The following RPS6KC1 variants were observed in gnomAD, a reference collection of about 807,000 sequenced individuals.
The protein encoded by RPS6KC1 is ribosomal protein S6 kinase C1.
In RPS6KC1, 54 loss-of-function variants were observed where a neutral mutation model predicts 103.8. That is an observed-to-expected ratio of 0.52 (90% CI 0.42 to 0.65). The LOEUF (loss-of-function observed/expected upper bound fraction) is 0.65, where lower values mean the gene tolerates loss of function less well. Among genes scored for constraint, RPS6KC1 ranks in the 30% least tolerant of loss-of-function variants. The pLI is 0.00. For missense variants in RPS6KC1, 1,151 were observed against 1,253.8 expected, an observed-to-expected ratio of 0.92 and a Z score of 1.24; for synonymous variants, 439 against 438.7, an observed-to-expected ratio of 1.00 and a Z score of -0.01.
rs538679494 is a variant in RPS6KC1, at chr1:213,118,086, C to G, written c.472+676C>G. ...CATCTGACTTTTAGAGAACTAATTT[C>G]AAGACTGGCTTTAGAGATTTAGTCA... On this transcript the variant is annotated intron_variant, in intron 5 of 14. Transcript: ENST00000366960. 9.2e-5 allele frequency among the ~76,000 whole-genome samples: 13 copies of G among 140,982 alleles called. No individual in the cohort carries two copies. The East Asian group carries it at 2.8e-3, about 30-fold the overall frequency. The allele number at this position is 140,982 out of a possible 152,430, so 92.5% of individuals were successfully genotyped here.
intron 5 of RPS6KC1, among the ~76,000 whole-genome samples, chr1:213,126,824 A>G (rs2085044715): frequency 1.3e-5 from 2 of 152,156 alleles, no homozygotes; most frequent in South Asian, 4.1e-4. Context: ...TTGCACTACA[A>G]TGGCAGTGTT....
At chr1:213,260,938 AGCCGTG>A (rs1291159962) in intron 12 of RPS6KC1, among the ~76,000 whole-genome samples, 1 of 152,218 alleles carries the variant, frequency 6.6e-6, no homozygotes, top group African/African-American at 2.4e-5. Context: ...CAATAGTTTC[AGCCGTG>A]GCTTAAAACA....
At chr1:213,553,228 T>G in the RPS6KC1 span, among the ~76,000 whole-genome samples, 8 of 152,182 alleles carry the variant, frequency 5.3e-5, no homozygotes, top group Admixed American at 3.9e-4. Context: ...GCACTCAATG[T>G]TTAGCTCCCA....
At chr1:213,697,288 G>C in the RPS6KC1 span, among the ~76,000 whole-genome samples, 1 of 152,158 alleles carries the variant, frequency 6.6e-6, no homozygotes, top group Non-Finnish European at 1.5e-5. Context: ...GGCAAGTGAG[G>C]AAGAGGAAGA....
the RPS6KC1 span, among the ~76,000 whole-genome samples, chr1:213,513,256 A>T: frequency 6.6e-6 from 1 of 152,182 alleles, no homozygotes; most frequent in East Asian, 1.9e-4. Flanking sequence ...TCGTTCATAG[A>T]GCCTCCAGAA....
chr1:213,094,372 G>A (rs2081267130), intron 3 of RPS6KC1, among the ~76,000 whole-genome samples: 1 of 151,404 alleles, frequency 6.6e-6, no homozygotes, highest in South Asian at 2.1e-4. Flanking sequence ...AGTTGTCCTT[G>A]AAATGTCCTT....
the RPS6KC1 span, among the ~76,000 whole-genome samples, chr1:213,460,603 G>A: frequency 7.2e-5 from 11 of 152,106 alleles, no homozygotes; most frequent in Admixed American, 3.3e-4. Flanking sequence ...GGTTAATATT[G>A]TTATGTGTGA....
chr1:213,252,856 A>G (rs959540426), intron 12 of RPS6KC1, among the ~76,000 whole-genome samples: 1 of 152,132 alleles, frequency 6.6e-6, no homozygotes, highest in Non-Finnish European at 1.5e-5. Context: ...TGGATAAAGC[A>G]TTATGTTACT....
chr1:213,117,134 G>C (rs539513666), intron 4 of RPS6KC1, among the ~76,000 whole-genome samples, 183 bp from the exon 5 acceptor site: 1 of 151,908 alleles, frequency 6.6e-6, no homozygotes, highest in Admixed American at 6.6e-5. Context: ...GGTGTAGTAC[G>C]TTTGTTACAG....
the RPS6KC1 span, among the ~76,000 whole-genome samples, chr1:213,647,140 A>G: frequency 1.3e-5 from 2 of 151,896 alleles, no homozygotes; most frequent in African/African-American, 4.8e-5. Flanking sequence ...CGAACTCCTG[A>G]CCTCAGGTGA....
At chr1:213,165,261 T>C (rs887229784) in intron 6 of RPS6KC1, among the ~76,000 whole-genome samples, 1 of 152,112 alleles carries the variant, frequency 6.6e-6, no homozygotes, top group African/African-American at 2.4e-5. Context: ...TTTTGAGTCT[T>C]GCTCTGTTGC....
At chr1:213,513,697 G>A in the RPS6KC1 span, among the ~76,000 whole-genome samples, 1 of 152,178 alleles carries the variant, frequency 6.6e-6, no homozygotes, top group Non-Finnish European at 1.5e-5. Context: ...CAGCATTTTA[G>A]CAGAGGAGGA....
At chr1:213,542,973 G>C in the RPS6KC1 span, among the ~76,000 whole-genome samples, 1 of 152,186 alleles carries the variant, frequency 6.6e-6, no homozygotes, top group Non-Finnish European at 1.5e-5. Flanking sequence ...TCTCTGTAAA[G>C]GAGAATGAGG....
chr1:213,751,951 C>G, the RPS6KC1 span, among the ~76,000 whole-genome samples: 2 of 152,146 alleles, frequency 1.3e-5, no homozygotes, highest in African/African-American at 4.8e-5. Context: ...CTACCCTTTA[C>G]CAGCTATGAG....
chr1:213,509,907 C>G, the RPS6KC1 span, among the ~76,000 whole-genome samples: 1 of 152,128 alleles, frequency 6.6e-6, no homozygotes, highest in African/African-American at 2.4e-5. Context: ...CTCTGAATTT[C>G]TTTTTCATTG....
At chr1:213,710,910 TA>T in the RPS6KC1 span, among the ~76,000 whole-genome samples, 1 of 152,244 alleles carries the variant, frequency 6.6e-6, no homozygotes, top group East Asian at 1.9e-4. Flanking sequence ...GGTTTCCCTG[TA>T]TGGATAACCC....
intron 2 of RPS6KC1, among the ~76,000 whole-genome samples, chr1:213,073,431 C>T (rs1347814971): frequency 6.6e-6 from 1 of 152,184 alleles, no homozygotes; most frequent in East Asian, 1.9e-4. Context: ...TGTGGCCTGT[C>T]ATTCAGTAGA....
chr1:213,693,034 C>T, the RPS6KC1 span, among the ~76,000 whole-genome samples: 1 of 152,184 alleles, frequency 6.6e-6, no homozygotes, highest in Admixed American at 6.5e-5. Flanking sequence ...TTAATGAGGA[C>T]AGCAGGATAT....
the RPS6KC1 span, among the ~76,000 whole-genome samples, chr1:213,383,880 G>T: frequency 6.6e-6 from 1 of 152,176 alleles, no homozygotes; most frequent in Non-Finnish European, 1.5e-5. Flanking sequence ...GGACTTCCCA[G>T]CCTCTAGAAC....
Sources: allele counts gnomAD v4.1 joint callset (sites outside exome capture counted in the v4.1 genomes callset), GRCh38; gene constraint gnomAD v4.1.1; transcripts MANE v1.5; gene names NCBI Gene and HGNC (gene_info 2026-07-23, HGNC 2026-07-21).